Variants in EML1 observed in about 807,000 individuals in gnomAD.
EML1 encodes the protein echinoderm microtubule-associated protein-like 1.
EML1 carries 27 observed loss-of-function variants against 110.4 expected under a neutral mutation model. The observed-to-expected ratio is 0.24, with a 90% CI of 0.18 to 0.34. The LOEUF (loss-of-function observed/expected upper bound fraction) is 0.34, where lower values mean the gene tolerates loss of function less well. EML1 is among the 10% of genes least tolerant of loss of function. The pLI is 1.00. For synonymous variants in EML1, 344 were observed against 385.8 expected (o/e 0.89, Z 1.27); for missense variants, 741 against 1,030.9 (o/e 0.72, Z 3.85).
Position 99,815,926 on chromosome 14 carries a change from CAG to C in EML1, c.67+22384_67+22385del, listed in dbSNP as rs572736527. Among the ~76,000 whole-genome samples, 9 of 152,248 alleles carry C rather than the reference CAG, an allele frequency of 5.9e-5. No individual in the cohort carries two copies. In the East Asian group the frequency reaches 1.5e-3, roughly 26 times the overall value. Reference sequence around the variant, plus strand: ...AAATCTGACAGGGGTAAGAATCTGACAGGGGTAAGAATGTGGAGATTCTTGTG... The same window carrying C: ...AAATCTGACAGGGGTAAGAATCTGACGGGTAAGAATGTGGAGATTCTTGTG... On this transcript the variant is annotated intron_variant, in intron 1 of 21. Transcript: ENST00000262233.
chr14:99,817,541 C>T (rs146296319), intron 1 of EML1, among the ~76,000 whole-genome samples: 22 of 152,256 alleles, frequency 1.4e-4, no homozygotes, highest in African/African-American at 5.1e-4. Flanking sequence ...TGTCACACAA[C>T]GACAAAGGAA....
At chr14:99,795,882 A>G (rs1183080783) in intron 1 of EML1, among the ~76,000 whole-genome samples, 1 of 152,206 alleles carries the variant, frequency 6.6e-6, no homozygotes, top group Non-Finnish European at 1.5e-5. Flanking sequence ...ATTCACACAT[A>G]TTATTTGGAT....
chr14:99,775,466 T>C (rs1372126413), intron 1 of EML1, among the ~76,000 whole-genome samples: 1 of 152,108 alleles, frequency 6.6e-6, no homozygotes, highest in Non-Finnish European at 1.5e-5. Flanking sequence ...AGATGTGAGA[T>C]GGAAAGAGTG....
intron 3 of EML1, among the ~76,000 whole-genome samples, chr14:99,869,904 G>A (rs996851453): frequency 7.9e-5 from 12 of 152,158 alleles, no homozygotes; most frequent in Non-Finnish European, 1.8e-4. Flanking sequence ...ACTCCCTGAG[G>A]CCGCACCAGA....
chr14:99,823,107 T>A (rs2058291986), intron 1 of EML1, among the ~76,000 whole-genome samples: 1 of 152,194 alleles, frequency 6.6e-6, no homozygotes, highest in African/African-American at 2.4e-5. Context: ...TGGTTTGAGA[T>A]GCGTGATCCT....
chr14:99,914,858 T>A, intron 15 of EML1, 161 bp downstream of exon 15: 1 of 941,666 alleles, frequency 1.1e-6, no homozygotes, highest in Non-Finnish European at 1.5e-6. Context: ...TTTAACAGTG[T>A]TACTTTTAAC....
intron 3 of EML1, among the ~76,000 whole-genome samples, chr14:99,866,523 T>C (rs957968996): frequency 3.5e-5 from 5 of 141,662 alleles, no homozygotes; most frequent in Non-Finnish European, 7.4e-5. Flanking sequence ...TGAGTCAAGA[T>C]TGCACCATTG....
At chr14:99,840,983 C>T (rs12590861) in intron 1 of EML1, among the ~76,000 whole-genome samples, 1 of 152,032 alleles carries the variant, frequency 6.6e-6, no homozygotes, top group African/African-American at 2.4e-5. Flanking sequence ...TCTGAAACTG[C>T]GGGTGATGTA....
At chr14:99,914,813 T>G in intron 15 of EML1, 116 bp downstream of exon 15, 1 of 1,373,978 alleles carries the variant, frequency 7.3e-7, no homozygotes, top group Non-Finnish European at 9.7e-7. Flanking sequence ...AAATGTTATT[T>G]ATCTATTTAG....
chr14:99,810,558 T>C (rs1238982815), intron 1 of EML1, among the ~76,000 whole-genome samples: 4 of 152,182 alleles, frequency 2.6e-5, no homozygotes, highest in African/African-American at 9.7e-5. Flanking sequence ...TCTGCGGCTT[T>C]CATAGGCCCT....
intron 1 of EML1, among the ~76,000 whole-genome samples, chr14:99,848,854 T>A (rs1054075685): frequency 1.3e-5 from 2 of 151,228 alleles, no homozygotes; most frequent in Non-Finnish European, 1.5e-5. Flanking sequence ...TCCCAGATCC[T>A]CAGAAGGCTG....
chr14:99,898,832 A>G (rs1034119871), intron 8 of EML1, among the ~76,000 whole-genome samples: 3 of 152,102 alleles, frequency 2.0e-5, no homozygotes, highest in Non-Finnish European at 4.4e-5. Context: ...TTTAAATAGC[A>G]TTGTTCTGAA....
Position 99,898,261 on chromosome 14 carries a change from A to G in EML1, c.856A>G (p.Ile286Val). 1 of 1,611,960 alleles carries G rather than the reference A, an allele frequency of 6.2e-7. No homozygotes were observed. Among genetic ancestry groups the G allele is most frequent in the Non-Finnish European group, 8.5e-7 (1 of 1,178,600 alleles). Reference protein sequence around the residue: ...CLAVHPDRITIATGQVAGTSK... With the variant: ...CLAVHPDRITVATGQVAGTSK... ...AGCAGTTCATCCTGATCGGATCACG[A>G]TAGCAACAGGACAAGTTGCGGGCAC... Residue 286 changes from isoleucine (I) to valine (V), a missense_variant, in exon 8 of 22, where the codon ATA becomes GTA. Ile to Val is a conservative substitution (Grantham distance 29, BLOSUM62 3). Coordinates refer to ENST00000262233, the MANE Select transcript of EML1 (RefSeq NM_004434.3).
At chr14:99,739,577 C>T (rs1050428348) in intron 1 of EML1, among the ~76,000 whole-genome samples, 2 of 152,128 alleles carry the variant, frequency 1.3e-5, no homozygotes, top group African/African-American at 2.4e-5. Context: ...CTCTGTCTGC[C>T]CTGGTGGGCA....
At chr14:99,758,555 C>T (rs1326485153) in intron 1 of EML1, among the ~76,000 whole-genome samples, 3 of 152,184 alleles carry the variant, frequency 2.0e-5, no homozygotes, top group African/African-American at 7.2e-5. Flanking sequence ...CTCTTCAAAG[C>T]AAGTTTTAGA....
intron 2 of EML1, among the ~76,000 whole-genome samples, chr14:99,863,018 C>G (rs2059027541): frequency 6.6e-6 from 1 of 152,332 alleles, no homozygotes; most frequent in East Asian, 1.9e-4. Context: ...TGTCTCTACT[C>G]TAGTGGCACA....
chr14:99,936,119 A>G lies in EML1; in HGVS notation c.2000A>G (p.Lys667Arg), dbSNP rs1472698384. ...GGGAGGAAGTACACGCGAGTGGGCA[A>G]GTGCTCGGTAAGCGCTGACAGTGGA... is the stretch of plus-strand genomic sequence containing the variant. ...DNGRKYTRVG[K>R]CSGHSSFITH... The change falls in exon 18 of 22, where the codon AAG (lysine) becomes AGG (arginine). Residue 667 changes from lysine to arginine, a missense_variant. Physicochemically the swap from Lys to Arg is conservative, Grantham distance 26. This residue lies in a region of EML1 where 388 missense variants were observed against 605.6 expected (regional missense o/e 0.64). Coordinates refer to ENST00000262233, the MANE Select transcript of EML1 (RefSeq NM_004434.3). This position sits in a 1 kb window ranked among gnomAD's most constrained non-coding sequence, Gnocchi z 5.5. 1.2e-5 allele frequency: 20 copies of G among 1,614,192 alleles called. No individual in the cohort carries two copies. The highest frequency in any genetic ancestry group is 1.7e-5 in the Non-Finnish European group (20 of 1,180,044).
In EML1 at chr14:99,784,266, T is replaced by C. The variant is rs981233164; in HGVS notation, c.-27+10253T>C. ...TGCTACCACGCTTGGCTAATTTTTG[T>C]GTTTTGTATAGAAACAAGGTTTCAC... On this transcript the variant is annotated intron_variant, in intron 1 of 22. Transcript: ENST00000327921. The surrounding 1 kb of genome is among the most constrained non-coding windows in gnomAD (Gnocchi z 4.5). Among the ~76,000 whole-genome samples, 4 of 152,170 alleles carry C rather than the reference T, an allele frequency of 2.6e-5. No homozygotes were observed. The highest frequency in any genetic ancestry group is 9.7e-5 in the African/African-American group (4 of 41,442).
At chr14:99,791,692 A>G (rs913368824), upstream of EML1, among the ~76,000 whole-genome samples, 1 of 152,076 alleles carries the variant, frequency 6.6e-6, no homozygotes, top group African/African-American at 2.4e-5. Flanking sequence ...TGTTCCAGCA[A>G]CAGGCCGCGG....
Sources: gnomAD v4.1 joint callset for allele counts (sites outside exome capture counted in the v4.1 genomes callset) on GRCh38, gnomAD v4.1.1 for gene constraint, gnomAD v4.1.1 regional missense constraint, Gnocchi (gnomAD v3.1) non-coding constraint, MANE v1.5 for transcripts, NCBI Gene and HGNC (gene_info 2026-07-23, HGNC 2026-07-21) for gene names.